Variants in ROBO1 observed in about 807,000 individuals in gnomAD.
ROBO1 encodes the protein roundabout guidance receptor 1, also known as roundabout homolog 1.
In ROBO1, 149 loss-of-function variants were observed where a neutral mutation model predicts 195.9. The observed-to-expected ratio is 0.76, with a 90% CI of 0.67 to 0.87. ROBO1 has a LOEUF of 0.87. Among genes scored for constraint, ROBO1 ranks in the 40% least tolerant of loss-of-function variants. ROBO1 has a pLI of 0.00. For missense variants in ROBO1, 1,933 were observed against 2,068.3 expected, an observed-to-expected ratio of 0.93 and a Z score of 1.27; for synonymous variants, 816 against 733.2, an observed-to-expected ratio of 1.11 and a Z score of -1.82.
chr3:78,735,558 C>T (rs74679450), intron 5 of ROBO1, among the ~76,000 whole-genome samples: 334 of 152,094 alleles, frequency 2.2e-3, no homozygotes, highest in African/African-American at 7.5e-3. Flanking sequence ...TCTATATGTT[C>T]GTAATAACAT....
At chr3:79,404,975 A>T (rs2037490642) in intron 2 of ROBO1, among the ~76,000 whole-genome samples, 1 of 152,156 alleles carries the variant, frequency 6.6e-6, no homozygotes, top group Admixed American at 6.6e-5. Flanking sequence ...ATTAAAAAAT[A>T]ATGGTTTTTA....
chr3:78,963,494 GTTTTTTTTTTTTTTTTTTTTTTTTTTC>G lies in ROBO1; in HGVS notation c.173-24594_173-24568del, dbSNP rs1305725064. 1.5e-4 allele frequency among the ~76,000 whole-genome samples: 11 copies of G among 72,312 alleles called. No individual in the cohort carries two copies. In the East Asian group the frequency reaches 3.5e-3, roughly 23 times the overall value. 47.4% of individuals were successfully genotyped at this position (72,312 alleles called of 152,430 possible). Reference sequence around the variant, plus strand: ...GAGAAGATCCAGAGGAAAACCTTCAGTTTTTTTTTTTTTTTTTTTTTTTTTTCTTTTTTTTTTTTTTTGAGACGGAGT... The same window carrying G: ...GAGAAGATCCAGAGGAAAACCTTCAGTTTTTTTTTTTTTTTGAGACGGAGT... On this transcript the variant is annotated intron_variant, in intron 3 of 30. Transcript: ENST00000464233.
At chr3:79,251,587 C>T (rs941643454) in intron 2 of ROBO1, among the ~76,000 whole-genome samples, 1 of 151,996 alleles carries the variant, frequency 6.6e-6, no homozygotes, top group African/African-American at 2.4e-5. Context: ...CCCATCTCTA[C>T]TAAAAATACA....
intron 2 of ROBO1, among the ~76,000 whole-genome samples, chr3:79,519,533 G>T (rs1941108651): frequency 6.7e-6 from 1 of 149,262 alleles, no homozygotes; most frequent in Non-Finnish European, 1.5e-5. Flanking sequence ...AGAGGCTGAG[G>T]CAGGAGAATG....
At chr3:79,361,391 G>C (rs1021417364) in intron 2 of ROBO1, among the ~76,000 whole-genome samples, 3 of 151,866 alleles carry the variant, frequency 2.0e-5, no homozygotes, top group African/African-American at 7.2e-5. Context: ...GGTAGCAAAA[G>C]GAGAAAAGCA....
intron 4 of ROBO1, among the ~76,000 whole-genome samples, chr3:78,886,065 C>T (rs1239539253): frequency 6.6e-6 from 1 of 150,654 alleles, no homozygotes; most frequent in Non-Finnish European, 1.5e-5. Flanking sequence ...TATCTTTTAG[C>T]TTTGTTTATA....
intron 1 of ROBO1, among the ~76,000 whole-genome samples, chr3:79,745,894 A>C (rs1168312405): frequency 6.6e-6 from 1 of 151,934 alleles, no homozygotes; most frequent in African/African-American, 2.4e-5. Flanking sequence ...TTAATTATGA[A>C]CCCCTGCTTT....
At chr3:79,412,861 G>T in intron 2 of ROBO1, among the ~76,000 whole-genome samples, 2 of 83,892 alleles carry the variant, frequency 2.4e-5, no homozygotes, top group African/African-American at 5.1e-5. Context: ...TGATTTTATT[G>T]CCTCATGAGC....
At chr3:79,758,352 A>T (rs550688753) in intron 1 of ROBO1, among the ~76,000 whole-genome samples, 1 of 152,340 alleles carries the variant, frequency 6.6e-6, no homozygotes, top group South Asian at 2.1e-4. Flanking sequence ...TTGCACTAGC[A>T]CATTTTCAGT....
chr3:78,610,977 A>G (rs1465197367), intron 28 of ROBO1, among the ~76,000 whole-genome samples: 1 of 152,182 alleles, frequency 6.6e-6, no homozygotes, highest in Non-Finnish European at 1.5e-5. Context: ...GCTTTCACCC[A>G]ATTTGTACCA....
chr3:79,583,439 A>G (rs4582019), intron 2 of ROBO1, among the ~76,000 whole-genome samples: 87,379 of 151,578 alleles, frequency 0.58, 26,419 homozygotes, highest in African/African-American at 0.77. Flanking sequence ...TTAATGAAGG[A>G]CTATAGTACA....
At chr3:79,637,384 C>CAAAAAAAAAAAA (rs71130603) in intron 1 of ROBO1, among the ~76,000 whole-genome samples, 1 of 131,546 alleles carries the variant, frequency 7.6e-6, no homozygotes. Context: ...TTATAAGTAG[C>CAAAAAAAAAAAA]AAAAAAAAAA....
intron 2 of ROBO1, among the ~76,000 whole-genome samples, chr3:79,510,795 A>C (rs1018096620): frequency 3.9e-5 from 6 of 152,088 alleles, no homozygotes; most frequent in Non-Finnish European, 7.4e-5. Context: ...GATTTGGGGG[A>C]TACTGTATTC....
At chr3:79,241,578 A>T (rs2082518256) in intron 2 of ROBO1, among the ~76,000 whole-genome samples, 1 of 151,950 alleles carries the variant, frequency 6.6e-6, no homozygotes, top group Non-Finnish European at 1.5e-5. Context: ...GCTATTGTGG[A>T]CTATTAAATT....
At position 79,417,352 on chromosome 3, in the gene ROBO1, A is replaced by T. The variant is rs2038047718; in HGVS notation, c.88+172472T>A. On this transcript the variant is annotated intron_variant, in intron 2 of 30. Coordinates refer to ENST00000464233, the MANE Select transcript of ROBO1 (RefSeq NM_002941.4). ...TAGTCCACTAACCAGAAGGGAACTG[A>T]TGTTTGCTAACAATCATGTGAGTGA... 1.3e-5 allele frequency among the ~76,000 whole-genome samples: 2 copies of T among 152,236 alleles called. 1 individual carries two copies. Among genetic ancestry groups the T allele is most frequent in the African/African-American group, 4.8e-5 (2 of 41,572 alleles).
At chr3:79,172,405 C>T (rs1185358401) in intron 2 of ROBO1, among the ~76,000 whole-genome samples, 1 of 152,160 alleles carries the variant, frequency 6.6e-6, no homozygotes, top group Non-Finnish European at 1.5e-5. Context: ...ATTTTTGTCT[C>T]AATTTTCTGT....
intron 3 of ROBO1, among the ~76,000 whole-genome samples, chr3:78,982,337 C>A (rs1408959988): frequency 6.6e-6 from 1 of 152,142 alleles, no homozygotes; most frequent in African/African-American, 2.4e-5. Context: ...CCTTTGTAAG[C>A]CTTTTCTCCT....
At chr3:79,484,453 C>T (rs1939040219) in intron 2 of ROBO1, among the ~76,000 whole-genome samples, 2 of 152,034 alleles carry the variant, frequency 1.3e-5, no homozygotes, top group Non-Finnish European at 2.9e-5. Flanking sequence ...AATAACAAAG[C>T]TTACTTATTA....
intron 4 of ROBO1, among the ~76,000 whole-genome samples, chr3:78,922,924 T>G (rs1320618820): frequency 1.3e-5 from 2 of 152,138 alleles, no homozygotes; most frequent in Non-Finnish European, 2.9e-5. Context: ...TTTCAGGCAC[T>G]AAGACTGCAG....
Sources: gnomAD v4.1 joint callset for allele counts (sites outside exome capture counted in the v4.1 genomes callset) on GRCh38, gnomAD v4.1.1 for gene constraint, MANE v1.5 for transcripts, NCBI Gene and HGNC (gene_info 2026-07-23, HGNC 2026-07-21) for gene names.